Variants in TRIO observed in about 807,000 individuals in gnomAD.
The protein encoded by TRIO is triple functional domain protein.
Under a neutral mutation model 351.9 loss-of-function variants are expected in TRIO, and 58 were observed. The observed-to-expected ratio is 0.16, with a 90% CI of 0.13 to 0.21. The LOEUF (loss-of-function observed/expected upper bound fraction) is 0.21. Among genes scored for constraint, TRIO ranks in the 10% least tolerant of loss-of-function variants. TRIO has a pLI of 1.00. For missense variants in TRIO, 3,201 were observed against 4,027.8 expected, an observed-to-expected ratio of 0.79 and a Z score of 5.56; for synonymous variants, 1,758 against 1,595.7, an observed-to-expected ratio of 1.10 and a Z score of -2.42.
intron 11 of TRIO, among the ~76,000 whole-genome samples, chr5:14,338,914 A>T (rs538854911): frequency 6.6e-6 from 1 of 152,300 alleles, no homozygotes; most frequent in South Asian, 2.1e-4. Flanking sequence ...GCAGCTTAGC[A>T]GTCTGAGGTA....
At chr5:14,451,076 C>T (rs544320512) in intron 34 of TRIO, among the ~76,000 whole-genome samples, 5 of 152,122 alleles carry the variant, frequency 3.3e-5, no homozygotes, top group African/African-American at 4.8e-5. Flanking sequence ...TTGTATATTC[C>T]GAACCACCAA....
intron 1 of TRIO, among the ~76,000 whole-genome samples, chr5:14,154,388 G>A (rs1450744705): frequency 6.6e-6 from 1 of 152,008 alleles, no homozygotes; most frequent in African/African-American, 2.4e-5. Context: ...TTTTGGGGTT[G>A]GTTTTATAAA....
chr5:14,388,118 G>A (rs1299539946), intron 23 of TRIO, among the ~76,000 whole-genome samples: 6 of 152,222 alleles, frequency 3.9e-5, no homozygotes, highest in Non-Finnish European at 8.8e-5. Context: ...CTAAGGAGAG[G>A]AAATTAATAG....
chr5:14,410,667 G>A (rs1375231504), intron 33 of TRIO, among the ~76,000 whole-genome samples: 1 of 152,108 alleles, frequency 6.6e-6, no homozygotes, highest in Admixed American at 6.5e-5. Flanking sequence ...AAACTGGGTC[G>A]GGGGATGTTT....
At chr5:14,211,847 A>T (rs1347367096) in intron 1 of TRIO, among the ~76,000 whole-genome samples, 1 of 152,028 alleles carries the variant, frequency 6.6e-6, no homozygotes, top group Non-Finnish European at 1.5e-5. Flanking sequence ...GCCATGGCTC[A>T]CATCTGTAAT....
chr5:14,181,847 C>G (rs1299052264), intron 1 of TRIO, among the ~76,000 whole-genome samples: 3 of 152,096 alleles, frequency 2.0e-5, no homozygotes, highest in East Asian at 1.9e-4. Context: ...CTTTTGCATC[C>G]CCACTTGCCC....
chr5:14,355,281 C>T (rs140831453), intron 11 of TRIO, among the ~76,000 whole-genome samples: 2 of 152,338 alleles, frequency 1.3e-5, no homozygotes, highest in African/African-American at 4.8e-5. Flanking sequence ...TATAGCTCAG[C>T]GCAGCCAAGT....
chr5:14,358,187 TG>T lies in TRIO; in HGVS notation c.2058del (p.Trp686CysfsTer38). On this transcript the variant is annotated frameshift_variant, in exon 12 of 57. Transcript: ENST00000344204. LOFTEE classifies it high-confidence loss of function. ...FHTHVKELWTWLEELQKELLD... is the reference protein window; with the variant it reads ...FHTHVKELWTXLEELQKELLD... ...CTCTCCCCTTCCCCAGCTGTGGACG[TG>T]GCTGGAGGAGCTGCAGAAGGAGCTG... The T allele has an allele frequency of 6.2e-7, 1 of 1,612,378 alleles. No homozygotes were observed. The highest frequency in any genetic ancestry group is 8.5e-7 in the Non-Finnish European group (1 of 1,178,842).
intron 1 of TRIO, among the ~76,000 whole-genome samples, chr5:14,242,045 A>G (rs958906180): frequency 1.8e-4 from 27 of 152,222 alleles, no homozygotes; most frequent in Non-Finnish European, 3.2e-4. Flanking sequence ...ATCAACTCTC[A>G]TCCTTACTAC....
At chr5:14,343,191 C>G (rs565919344) in intron 11 of TRIO, among the ~76,000 whole-genome samples, 1 of 152,030 alleles carries the variant, frequency 6.6e-6, no homozygotes, top group South Asian at 2.1e-4. Flanking sequence ...AGCACACAAT[C>G]AAACCAGGAC....
intron 18 of TRIO, 48 bp from the exon 19 acceptor site, chr5:14,374,181 G>A (rs369353316): frequency 3.2e-5 from 47 of 1,480,316 alleles, no homozygotes; most frequent in South Asian, 2.0e-4. Context: ...CCAAATACAC[G>A]TTTGTAGAAG....
At chr5:14,236,216 A>G (rs547885162) in intron 1 of TRIO, among the ~76,000 whole-genome samples, 1 of 152,288 alleles carries the variant, frequency 6.6e-6, no homozygotes, top group African/African-American at 2.4e-5. Flanking sequence ...CAGAAAGGAA[A>G]AATATGATTA....
rs376484011 is a variant in TRIO at position 14,332,027 on chromosome 5, A to G, written c.1854+1127A>G. 2.4e-4 allele frequency among the ~76,000 whole-genome samples: 37 copies of G among 152,374 alleles called. No individual in the cohort carries two copies. The East Asian group carries it at 6.6e-3, about 27-fold the overall frequency. On this transcript the variant is annotated intron_variant, in intron 10 of 56. Coordinates refer to ENST00000344204, the MANE Select transcript of TRIO (RefSeq NM_007118.4). ...TTTAAAAGTTATGATTAAAACAGCC[A>G]GTAAAGCCCAGAAAACTCAGGTTCA...
chr5:14,216,452 T>G (rs1792234716), intron 1 of TRIO, among the ~76,000 whole-genome samples: 1 of 152,246 alleles, frequency 6.6e-6, no homozygotes, highest in Non-Finnish European at 1.5e-5. Context: ...CTTGTTTGTA[T>G]TTGCTTCACC....
At chr5:14,473,440 A>G (rs901944968) in intron 39 of TRIO, among the ~76,000 whole-genome samples, 2 of 152,188 alleles carry the variant, frequency 1.3e-5, no homozygotes, top group African/African-American at 2.4e-5. Context: ...ATCTGCAGTC[A>G]TTGTTCACAA....
intron 17 of TRIO, 101 bp from the exon 18 acceptor site, chr5:14,369,273 C>T: frequency 6.8e-7 from 1 of 1,469,238 alleles, no homozygotes; most frequent in East Asian, 2.3e-5. Flanking sequence ...ATCCTCCTGA[C>T]AGCATCTTCA....
At chr5:14,253,651 G>A (rs556918627) in intron 1 of TRIO, among the ~76,000 whole-genome samples, 1 of 152,338 alleles carries the variant, frequency 6.6e-6, no homozygotes, top group Non-Finnish European at 1.5e-5. Flanking sequence ...CCAGTGCTGG[G>A]ATTCTTGATC....
Position 14,389,515 on chromosome 5 carries a change from T to C in TRIO, c.4058+117T>C, listed in dbSNP as rs138582457. 7.9e-3 allele frequency: 5,524 copies of C among 698,762 alleles called. 55 individuals carry two copies. Among genetic ancestry groups the C allele is most frequent in the Middle Eastern group, 0.028 (104 of 3,766 alleles). 43.3% of individuals were successfully genotyped at this position (698,762 alleles called of 1,614,324 possible). A position where few individuals can be genotyped will look rare whatever the true frequency, so the allele number is the denominator to read the frequency against. On this transcript the variant is annotated intron_variant, in intron 25 of 56. Transcript: ENST00000344204. ...AGATTTCAGTGATTTTGTTTCCATT[T>C]GAATGAAGCCTATCAGTCTTTCTCC...
At chr5:14,147,166 A>G (rs182365371) in intron 1 of TRIO, among the ~76,000 whole-genome samples, 33 of 152,288 alleles carry the variant, frequency 2.2e-4, no homozygotes, top group Middle Eastern at 6.8e-3. Context: ...AGAAAAAAAA[A>G]GACACCACAA....
Sources: gnomAD v4.1 joint callset for allele counts (sites outside exome capture counted in the v4.1 genomes callset) on GRCh38, gnomAD v4.1.1 for gene constraint, MANE v1.5 for transcripts, NCBI Gene and HGNC (gene_info 2026-07-23, HGNC 2026-07-21) for gene names.